Variants in PTK2B observed in about 807,000 individuals in gnomAD.
PTK2B encodes protein tyrosine kinase 2 beta.
In PTK2B, 71 loss-of-function variants were observed where a neutral mutation model predicts 142.9. That is an observed-to-expected ratio of 0.50 (90% CI 0.41 to 0.61). PTK2B has a LOEUF of 0.61. PTK2B is among the 20% of genes least tolerant of loss of function. The probability of loss-of-function intolerance (pLI) is 0.00; values close to 1 mark genes in which losing one functional copy is unlikely to be tolerated. For missense variants in PTK2B, 1,105 were observed against 1,320.4 expected (o/e 0.84, Z 2.53); for synonymous variants, 519 against 503.4 (o/e 1.03, Z -0.42).
chr8:27,392,615 G>A (rs1268030415), intron 1 of PTK2B, among the ~76,000 whole-genome samples: 1 of 152,136 alleles, frequency 6.6e-6, no homozygotes, highest in African/African-American at 2.4e-5. Flanking sequence ...AATGAGCTGG[G>A]AGCAGAACAC....
upstream of PTK2B, among the ~76,000 whole-genome samples, chr8:27,323,965 T>C (rs144132447): frequency 1.3e-5 from 2 of 152,244 alleles, no homozygotes; most frequent in Non-Finnish European, 2.9e-5. Flanking sequence ...GTCTTGATTG[T>C]CTTTGCTTTT....
intron 2 of PTK2B, among the ~76,000 whole-genome samples, chr8:27,414,546 G>A (rs1004444893): frequency 8.5e-5 from 11 of 129,984 alleles, no homozygotes; most frequent in South Asian, 5.0e-4. Context: ...GCGCCTGGCC[G>A]GGCTGTCACT....
At chr8:27,428,217 C>A (rs1405660671) in intron 5 of PTK2B, among the ~76,000 whole-genome samples, 1 of 152,152 alleles carries the variant, frequency 6.6e-6, no homozygotes, top group Non-Finnish European at 1.5e-5. Context: ...AGATGGAGCT[C>A]AGGCAATATA....
intron 1 of PTK2B, among the ~76,000 whole-genome samples, chr8:27,364,358 G>C (rs1307486130): frequency 1.3e-5 from 2 of 152,190 alleles, no homozygotes; most frequent in Non-Finnish European, 2.9e-5. Flanking sequence ...AAATACAACT[G>C]GGAAAGAAGT....
intron 3 of PTK2B, among the ~76,000 whole-genome samples, chr8:27,316,929 A>C (rs1050021858): frequency 2.6e-5 from 4 of 152,242 alleles, no homozygotes; most frequent in African/African-American, 9.6e-5. Context: ...AATGCAACAT[A>C]AAATGATTTA....
At chr8:27,362,145 T>C (rs573356187) in intron 1 of PTK2B, among the ~76,000 whole-genome samples, 8 of 152,328 alleles carry the variant, frequency 5.3e-5, no homozygotes, top group Non-Finnish European at 1.2e-4. Flanking sequence ...CTGAGCCTCC[T>C]GTCATTTTGC....
chr8:27,444,953 C>T (rs1811373324), intron 23 of PTK2B, among the ~76,000 whole-genome samples: 1 of 152,162 alleles, frequency 6.6e-6, no homozygotes, highest in Non-Finnish European at 1.5e-5. Context: ...CAAGGAAATG[C>T]CTGAGTGCCA....
At chr8:27,330,873 C>T (rs1424822197) in intron 1 of PTK2B, among the ~76,000 whole-genome samples, 1 of 152,132 alleles carries the variant, frequency 6.6e-6, no homozygotes, top group Non-Finnish European at 1.5e-5. Flanking sequence ...GTCTTCGTGG[C>T]CTCTTACCTT....
intron 1 of PTK2B, among the ~76,000 whole-genome samples, chr8:27,343,827 C>T (rs1308026219): frequency 1.3e-5 from 2 of 151,932 alleles, no homozygotes; most frequent in Non-Finnish European, 2.9e-5. Context: ...CGTGGTGAAA[C>T]CCTGTCTCTA....
At chr8:27,411,591 G>A (rs987360362) in intron 2 of PTK2B, among the ~76,000 whole-genome samples, 1 of 152,194 alleles carries the variant, frequency 6.6e-6, no homozygotes, top group Non-Finnish European at 1.5e-5. Flanking sequence ...GGCTCAGGGA[G>A]CTTGTCATCC....
rs536001590 is a variant in PTK2B, at chr8:27,389,415, A to G, written c.-37-8133A>G. On this transcript the variant is annotated intron_variant, in intron 1 of 30. Transcript: ENST00000346049. ...TAATTTTTGAAGAACTAAGAGAAGAATGGAGCCCAGAAGTCAAATAGGAGA... is the reference window on the plus strand; with the variant it reads ...TAATTTTTGAAGAACTAAGAGAAGAGTGGAGCCCAGAAGTCAAATAGGAGA... 5.9e-5 allele frequency among the ~76,000 whole-genome samples: 9 copies of G among 152,350 alleles called. No individual in the cohort carries two copies. The South Asian group carries it at 1.7e-3, about 28-fold the overall frequency.
chr8:27,373,994 C>T (rs1806514162), intron 1 of PTK2B, among the ~76,000 whole-genome samples: 1 of 151,734 alleles, frequency 6.6e-6, no homozygotes, highest in Non-Finnish European at 1.5e-5. Context: ...CCTGCATGTC[C>T]CCAGAGGGCA....
At chr8:27,354,837 C>T (rs955868159) in intron 1 of PTK2B, among the ~76,000 whole-genome samples, 1 of 152,074 alleles carries the variant, frequency 6.6e-6, no homozygotes, top group Non-Finnish European at 1.5e-5. Context: ...CTTGTTCTGT[C>T]TCTCCTGGGC....
chr8:27,365,910 T>C (rs533532105), intron 1 of PTK2B, among the ~76,000 whole-genome samples: 1 of 152,216 alleles, frequency 6.6e-6, no homozygotes, highest in Admixed American at 6.5e-5. Context: ...ATTAAGGACT[T>C]CGGACTTAGC....
intron 1 of PTK2B, among the ~76,000 whole-genome samples, chr8:27,381,228 T>C (rs974304985): frequency 6.6e-6 from 1 of 152,176 alleles, no homozygotes; most frequent in South Asian, 2.1e-4. Flanking sequence ...TTTAAAAATA[T>C]ACAATAAATT....
intron 1 of PTK2B, among the ~76,000 whole-genome samples, chr8:27,377,296 G>C (rs1806731457): frequency 6.6e-6 from 1 of 152,110 alleles, no homozygotes; most frequent in South Asian, 2.1e-4. Context: ...CTCAGTGTTG[G>C]GTATGTGTAG....
intron 2 of PTK2B, among the ~76,000 whole-genome samples, chr8:27,401,144 A>G (rs566430033): frequency 1.8e-4 from 27 of 152,028 alleles, no homozygotes; most frequent in African/African-American, 5.5e-4. Context: ...ATCTCAAAAA[A>G]CAAAGAGATC....
intron 1 of PTK2B, among the ~76,000 whole-genome samples, chr8:27,376,082 C>G (rs929562420): frequency 1.3e-5 from 2 of 152,204 alleles, no homozygotes; most frequent in African/African-American, 2.4e-5. Context: ...CAGACAGGAG[C>G]CCCAGGTGTG....
At chr8:27,433,409 A>G (rs1167570799) in intron 10 of PTK2B, 26 bp from the exon 11 acceptor site, 11 of 1,594,850 alleles carry the variant, frequency 6.9e-6, no homozygotes, top group Non-Finnish European at 9.5e-6. Context: ...CTGGGGTCTC[A>G]CCCTTGGCTG....
Sources: allele counts gnomAD v4.1 joint callset (sites outside exome capture counted in the v4.1 genomes callset), GRCh38; gene constraint gnomAD v4.1.1; transcripts MANE v1.5; gene names NCBI Gene and HGNC (gene_info 2026-07-23, HGNC 2026-07-21).